The following SLC25A21 variants were observed in gnomAD, a reference collection of about 807,000 sequenced individuals.
SLC25A21 encodes mitochondrial 2-oxodicarboxylate carrier.
SLC25A21 carries 47 observed loss-of-function variants against 43.8 expected under a neutral mutation model. The observed-to-expected ratio is 1.07, with a 90% CI of 0.85 to 1.37. The LOEUF is 1.37. Among genes scored for constraint, SLC25A21 ranks in the 40% most tolerant of loss-of-function variants. SLC25A21 has a pLI of 0.00. For synonymous variants in SLC25A21, 131 were observed against 121.3 expected (o/e 1.08, Z -0.52); for missense variants, 352 against 350.2 (o/e 1.00, Z -0.04).
At position 36,914,385 on chromosome 14, in the gene SLC25A21, T is replaced by C. The variant is rs556831096; in HGVS notation, c.71-39381A>G. ...CTGAAATGCAGCAGTTGATTGCCAA[T>C]GGAAGCTACAGAAAAGGATGATTAA... On this transcript the variant is annotated intron_variant, in intron 1 of 9. Coordinates refer to ENST00000331299, the MANE Select transcript of SLC25A21 (RefSeq NM_030631.4). Among the ~76,000 whole-genome samples the C allele has an allele frequency of 2.7e-3, 412 of 152,296 alleles. 4 individuals are homozygous for C. Among genetic ancestry groups the C allele is most frequent in the African/African-American group, 9.5e-3 (393 of 41,554 alleles).
rs543677374 is a variant in SLC25A21, at chr14:36,867,870, T to C, written c.119+7086A>G. Among the ~76,000 whole-genome samples the C allele has an allele frequency of 5.3e-5, 8 of 152,026 alleles. No homozygotes were observed. In the East Asian group the frequency reaches 1.4e-3, roughly 26 times the overall value. ...AATGTGGATGCCATTATTGCTCCTA[T>C]TTAAATATGAGGAAACTAAGGCACA... On this transcript the variant is annotated intron_variant, in intron 2 of 9. Transcript: ENST00000331299.
Position 36,985,474 on chromosome 14 carries a change from G to A in SLC25A21, c.71-110470C>T, listed in dbSNP as rs541289779. Among the ~76,000 whole-genome samples, 168 of 152,234 alleles carry A rather than the reference G, an allele frequency of 1.1e-3. 1 individual carries two copies. Among genetic ancestry groups the A allele is most frequent in the Non-Finnish European group, 9.4e-4 (64 of 68,012 alleles). Reference sequence around the variant, plus strand: ...TGCACTTAGTTCTTCTGTCTCTTCAGTCTCCTTTAATCTCAAATAATTCAT... The same window carrying A: ...TGCACTTAGTTCTTCTGTCTCTTCAATCTCCTTTAATCTCAAATAATTCAT... On this transcript the variant is annotated intron_variant, in intron 1 of 9. Coordinates refer to ENST00000331299, the MANE Select transcript of SLC25A21 (RefSeq NM_030631.4).
intron 1 of SLC25A21, among the ~76,000 whole-genome samples, chr14:37,044,674 A>G (rs1961550323): frequency 6.6e-6 from 1 of 152,194 alleles, no homozygotes; most frequent in Non-Finnish European, 1.5e-5. Flanking sequence ...CTTAAGGTAG[A>G]TACAGTCATG....
intron 1 of SLC25A21, among the ~76,000 whole-genome samples, chr14:37,088,440 C>T (rs1473819064): frequency 6.6e-6 from 1 of 152,192 alleles, no homozygotes; most frequent in African/African-American, 2.4e-5. Flanking sequence ...TTAATACTCA[C>T]AGGTTTTTAT....
intron 3 of SLC25A21, among the ~76,000 whole-genome samples, chr14:36,748,848 CCA>C (rs1213319949): frequency 6.6e-6 from 1 of 152,164 alleles, no homozygotes; most frequent in Admixed American, 6.5e-5. Context: ...AAAATGAACT[CCA>C]GATTCTCCCT....
intron 6 of SLC25A21, among the ~76,000 whole-genome samples, chr14:36,721,205 T>C (rs1360300372): frequency 6.6e-6 from 1 of 152,252 alleles, no homozygotes; most frequent in African/African-American, 2.4e-5. Context: ...AATCATGTTG[T>C]AATAATAATG....
At chr14:36,877,736 G>GA (rs1340515368) in intron 1 of SLC25A21, among the ~76,000 whole-genome samples, 1 of 44,544 alleles carries the variant, frequency 2.2e-5, no homozygotes, top group Non-Finnish European at 9.9e-5. Flanking sequence ...ATATTGCACA[G>GA]AAAAAAGAAG....
intron 1 of SLC25A21, among the ~76,000 whole-genome samples, chr14:37,040,972 A>T (rs1961459320): frequency 6.6e-6 from 1 of 152,102 alleles, no homozygotes; most frequent in Admixed American, 6.5e-5. Context: ...AGACATTCAG[A>T]GAAAAAAGTC....
At chr14:36,846,084 G>A (rs1482295692) in intron 2 of SLC25A21, among the ~76,000 whole-genome samples, 2 of 152,170 alleles carry the variant, frequency 1.3e-5, no homozygotes, top group Non-Finnish European at 2.9e-5. Flanking sequence ...CTCCAGTGAA[G>A]AGTGACTGAT....
At chr14:36,789,648 C>A (rs1366406686) in intron 3 of SLC25A21, among the ~76,000 whole-genome samples, 1 of 143,320 alleles carries the variant, frequency 7.0e-6, no homozygotes, top group Non-Finnish European at 1.5e-5. Context: ...AAAAGCTTTT[C>A]ATCCTGCCTA....
intron 7 of SLC25A21, among the ~76,000 whole-genome samples, chr14:36,709,180 G>T (rs1345871702): frequency 1.3e-5 from 2 of 151,934 alleles, no homozygotes; most frequent in Non-Finnish European, 2.9e-5. Context: ...GCTAATTTTT[G>T]TATTTTTGTG....
At chr14:36,954,209 G>C (rs1243610515) in intron 1 of SLC25A21, among the ~76,000 whole-genome samples, 1 of 152,094 alleles carries the variant, frequency 6.6e-6, no homozygotes, top group East Asian at 1.9e-4. Flanking sequence ...ATTGTCCTTT[G>C]TAATTTCTGC....
At chr14:36,997,762 G>A (rs1184794088) in intron 1 of SLC25A21, among the ~76,000 whole-genome samples, 1 of 146,920 alleles carries the variant, frequency 6.8e-6, no homozygotes, top group Admixed American at 6.8e-5. Context: ...CTGGGAGGCA[G>A]AGGTTGCAGA....
chr14:36,998,399 A>G (rs1449848433), intron 1 of SLC25A21, among the ~76,000 whole-genome samples: 1 of 151,606 alleles, frequency 6.6e-6, no homozygotes, highest in African/African-American at 2.4e-5. Context: ...AGATATATAA[A>G]TGTGATTCTT....
At chr14:37,035,872 T>C in intron 1 of SLC25A21, among the ~76,000 whole-genome samples, 1 of 152,220 alleles carries the variant, frequency 6.6e-6, no homozygotes, top group South Asian at 2.1e-4. Flanking sequence ...CAGCAATAAA[T>C]GATTTTTTAA....
At chr14:37,081,491 T>C (rs1198319403) in intron 1 of SLC25A21, among the ~76,000 whole-genome samples, 1 of 152,194 alleles carries the variant, frequency 6.6e-6, no homozygotes, top group African/African-American at 2.4e-5. Context: ...TCTATCAGAA[T>C]GTGGTTGTCT....
intron 1 of SLC25A21, among the ~76,000 whole-genome samples, chr14:36,890,769 T>A (rs1464637406): frequency 6.6e-6 from 1 of 152,230 alleles, no homozygotes; most frequent in African/African-American, 2.4e-5. Flanking sequence ...TAGATTCAGA[T>A]GTTCTCTTTG....
chr14:36,814,819 G>A (rs1888397474), intron 2 of SLC25A21, among the ~76,000 whole-genome samples: 1 of 152,118 alleles, frequency 6.6e-6, no homozygotes, highest in Non-Finnish European at 1.5e-5. Flanking sequence ...CCATTACCGG[G>A]TATATACCCA....
At chr14:36,908,000 G>A (rs775937040) in intron 1 of SLC25A21, among the ~76,000 whole-genome samples, 17 of 152,212 alleles carry the variant, frequency 1.1e-4, no homozygotes, top group South Asian at 4.2e-4. Context: ...AGTTTAATTC[G>A]GATTTGCTAT....
Sources: allele counts gnomAD v4.1 joint callset (sites outside exome capture counted in the v4.1 genomes callset), GRCh38; gene constraint gnomAD v4.1.1; transcripts MANE v1.5; gene names NCBI Gene and HGNC (gene_info 2026-07-23, HGNC 2026-07-21).